Variants in PARN observed in about 807,000 individuals in gnomAD.
PARN encodes the protein poly(A)-specific ribonuclease PARN.
PARN carries 71 observed loss-of-function variants against 102.8 expected under a neutral mutation model. That is an observed-to-expected ratio of 0.69 (90% CI 0.57 to 0.84). The LOEUF (loss-of-function observed/expected upper bound fraction) is 0.84. Ranked by LOEUF, PARN falls within the 40% of genes least tolerant of loss-of-function variation. The pLI, the probability that PARN is intolerant of heterozygous loss-of-function variation, is 0.00. For missense variants in PARN, 782 were observed against 760.9 expected, an observed-to-expected ratio of 1.03 and a Z score of -0.33; for synonymous variants, 261 against 252.9, an observed-to-expected ratio of 1.03 and a Z score of -0.30.
chr16:14,520,607 G>A (rs1482864596), intron 21 of PARN, among the ~76,000 whole-genome samples: 1 of 151,954 alleles, frequency 6.6e-6, no homozygotes, highest in Non-Finnish European at 1.5e-5. Flanking sequence ...GCTGAGGCAG[G>A]AGAACAGCTT....
intron 12 of PARN, among the ~76,000 whole-genome samples, chr16:14,598,842 T>C (rs1970692654): frequency 6.6e-6 from 1 of 152,108 alleles, no homozygotes; most frequent in Admixed American, 6.6e-5. Context: ...AGGGTTTCTA[T>C]GGCCTTAAAG....
intron 6 of PARN, among the ~76,000 whole-genome samples, chr16:14,612,620 C>T (rs1054586284): frequency 4.6e-5 from 7 of 151,420 alleles, no homozygotes; most frequent in African/African-American, 9.7e-5. Context: ...CTTTTTAGAA[C>T]GAAGTCTTGC....
intron 21 of PARN, among the ~76,000 whole-genome samples, chr16:14,503,138 C>A (rs1034557010): frequency 4.6e-5 from 7 of 152,128 alleles, no homozygotes; most frequent in Admixed American, 3.9e-4. Flanking sequence ...AACCTCCCCC[C>A]ACAGAGGCAC....
At chr16:14,446,755 T>C (rs1961216353) in intron 23 of PARN, 133 bp downstream of exon 23, 5 of 592,834 alleles carry the variant, frequency 8.4e-6, no homozygotes, top group Middle Eastern at 9.6e-4. Flanking sequence ...CCTAAAAATA[T>C]CTGCTTTGGT....
intron 11 of PARN, among the ~76,000 whole-genome samples, chr16:14,602,485 A>C (rs1970932497): frequency 6.6e-6 from 1 of 152,112 alleles, no homozygotes; most frequent in Non-Finnish European, 1.5e-5. Flanking sequence ...TGTCCTAAAA[A>C]CACTCGAAAC....
chr16:14,465,540 C>T (rs753569053), intron 22 of PARN, among the ~76,000 whole-genome samples: 15 of 152,156 alleles, frequency 9.9e-5, no homozygotes, highest in Admixed American at 2.0e-4. Context: ...GATTCTTATG[C>T]TATATGTGAA....
intron 21 of PARN, among the ~76,000 whole-genome samples, chr16:14,548,518 G>T (rs146019907): frequency 6.6e-6 from 1 of 152,048 alleles, no homozygotes; most frequent in Admixed American, 6.6e-5. Flanking sequence ...ACCACTTTAC[G>T]CACTAAAAAC....
chr16:14,492,470 C>T (rs370589475), intron 21 of PARN, among the ~76,000 whole-genome samples: 2 of 152,158 alleles, frequency 1.3e-5, no homozygotes, highest in African/African-American at 4.8e-5. Flanking sequence ...AGGGCAGGTG[C>T]TGTTATCAGT....
At position 14,626,239 on chromosome 16, in the gene PARN, G is replaced by A. The variant is rs1433194390; in HGVS notation, c.327+867C>T. On this transcript the variant is annotated intron_variant, in intron 5 of 23. Transcript: ENST00000437198. The stretch of plus-strand genomic sequence containing the variant: ...TACTCTGCTTTTCCAGAAAATAAAG[G>A]TCTACACCCTCAGAGTGGATGCGAG... Among the ~76,000 whole-genome samples, 3 of 152,222 alleles carry A rather than the reference G, an allele frequency of 2.0e-5. No homozygotes were observed. The East Asian group carries it at 5.8e-4, about 29-fold the overall frequency.
At position 14,482,670 on chromosome 16, in the gene PARN, G is replaced by A. The variant is rs1298371753; in HGVS notation, c.1638C>T (p.Tyr546=). 1.9e-6 allele frequency: 3 copies of A among 1,613,202 alleles called. No homozygotes were observed. Among genetic ancestry groups the A allele is most frequent in the Non-Finnish European group, 8.5e-7 (1 of 1,179,494 alleles). Residue 546 remains tyrosine, a synonymous_variant, in exon 22 of 24, where the codon TAC becomes TAT. Coordinates refer to ENST00000437198, the MANE Select transcript of PARN (RefSeq NM_002582.4). ...TGCGGTAATAGTGATTCTGCAGGGT[G>A]TAGGGTATGCACTGGGGGTTTAACC... The part of the protein sequence containing the change: ...SKRLNPQCIP[Y]TLQNHYYRNN...
chr16:14,458,922 T>C (rs1961820678), intron 22 of PARN, among the ~76,000 whole-genome samples: 1 of 151,996 alleles, frequency 6.6e-6, no homozygotes, highest in African/African-American at 2.4e-5. Context: ...GGGGTAGCCA[T>C]CCCCCACATA....
intron 9 of PARN, among the ~76,000 whole-genome samples, 167 bp from the exon 10 acceptor site, chr16:14,606,693 C>G (rs895326829): frequency 1.3e-5 from 2 of 152,016 alleles, no homozygotes; most frequent in Non-Finnish European, 2.9e-5. Flanking sequence ...AACGTTTCAG[C>G]TGCTAAATGT....
rs1032569755 is a variant in PARN at position 14,626,659 on chromosome 16, T to C, written c.327+447A>G. Among the ~76,000 whole-genome samples, 2 of 151,892 alleles carry C rather than the reference T, an allele frequency of 1.3e-5. 1 individual carries two copies. The highest frequency in any genetic ancestry group is 4.2e-4 in the South Asian group (2 of 4,812). ...CAGAGTCTCGCTCTGTTGCCCAAGC[T>C]GGAGTGCAGGGGCGTGATCTCGGCT... On this transcript the variant is annotated intron_variant, in intron 5 of 23. Transcript: ENST00000437198.
At position 14,582,093 on chromosome 16, in the gene PARN, G is replaced by A; in HGVS notation, c.1192+88C>T. 7.1e-6 allele frequency: 6 copies of A among 845,764 alleles called. No individual in the cohort carries two copies. In the South Asian group the frequency reaches 8.2e-5, roughly 11 times the overall value. The allele number at this position is 845,764 out of a possible 1,614,324, so 52.4% of individuals were successfully genotyped here. A position where few individuals can be genotyped will look rare whatever the true frequency, so the allele number is the denominator to read the frequency against. ...TGTTGTTTAAGCCCCACACTCGACA[G>A]TAATTTATTACAGCAGCCTAAGCCA... On this transcript the variant is annotated intron_variant, in intron 17 of 23. Transcript: ENST00000437198.
At chr16:14,538,572 T>A (rs1300837513) in intron 21 of PARN, among the ~76,000 whole-genome samples, 2 of 151,814 alleles carry the variant, frequency 1.3e-5, no homozygotes, top group African/African-American at 4.8e-5. Context: ...TTGAAGGGGG[T>A]GAGAGAGCAC....
chr16:14,617,391 A>G (rs1179027370), intron 6 of PARN, among the ~76,000 whole-genome samples, 199 bp downstream of exon 6: 1 of 151,878 alleles, frequency 6.6e-6, no homozygotes, highest in Non-Finnish European at 1.5e-5. Flanking sequence ...TCAAAAAAAA[A>G]AAAAAAAAAA....
chr16:14,607,666 G>A (rs995711720), intron 9 of PARN, among the ~76,000 whole-genome samples: 3 of 152,158 alleles, frequency 2.0e-5, no homozygotes, highest in African/African-American at 7.2e-5. Flanking sequence ...CAGGAAAGGA[G>A]TGTGGGCAAA....
At chr16:14,589,176 T>C (rs1373947048) in intron 13 of PARN, among the ~76,000 whole-genome samples, 1 of 142,552 alleles carries the variant, frequency 7.0e-6, no homozygotes, top group Non-Finnish European at 1.6e-5. Context: ...CAAGACTCTG[T>C]CTCAAAAATA....
At chr16:14,501,397 C>T (rs1362518903) in intron 21 of PARN, among the ~76,000 whole-genome samples, 2 of 107,852 alleles carry the variant, frequency 1.9e-5, no homozygotes, top group African/African-American at 6.5e-5. Context: ...CACTTGATTG[C>T]GCCACTGCAC....
Sources: gnomAD v4.1 joint callset for allele counts (sites outside exome capture counted in the v4.1 genomes callset) on GRCh38, gnomAD v4.1.1 for gene constraint, MANE v1.5 for transcripts, NCBI Gene and HGNC (gene_info 2026-07-23, HGNC 2026-07-21) for gene names.